FAM227B: variants seen among roughly 807,000 people sequenced by gnomAD.
FAM227B encodes the protein protein FAM227B.
FAM227B carries 88 observed loss-of-function variants against 73.8 expected under a neutral mutation model. The observed-to-expected ratio is 1.19, with a 90% CI of 1.00 to 1.42. The LOEUF is 1.42. FAM227B is among the 40% of genes most tolerant of loss of function. FAM227B has a pLI of 0.00. For synonymous variants in FAM227B, 210 were observed against 190.5 expected, an observed-to-expected ratio of 1.10 and a Z score of -0.84; for missense variants, 632 against 590.9, an observed-to-expected ratio of 1.07 and a Z score of -0.72.
chr15:49,416,799 A>AC (rs2049249410), intron 11 of FAM227B, among the ~76,000 whole-genome samples: 3 of 150,546 alleles, frequency 2.0e-5, no homozygotes, highest in Admixed American at 6.6e-5. Context: ...ACACACACAC[A>AC]AACACACAAA....
At chr15:49,350,810 G>A (rs1032643133) in intron 13 of FAM227B, among the ~76,000 whole-genome samples, 13 of 152,104 alleles carry the variant, frequency 8.5e-5, no homozygotes, top group African/African-American at 1.9e-4. Flanking sequence ...TAAGATATGC[G>A]AGCCAAAGAC....
chr15:49,547,532 C>T (rs2072110912), intron 9 of FAM227B, among the ~76,000 whole-genome samples: 2 of 152,034 alleles, frequency 1.3e-5, no homozygotes, highest in Non-Finnish European at 2.9e-5. Context: ...ATTCAGGAAA[C>T]CCATCTCAAG....
chr15:49,396,120 C>A, intron 11 of FAM227B: 3 of 394,530 alleles, frequency 7.6e-6, no homozygotes, highest in Non-Finnish European at 5.0e-6. Context: ...AGACAGTGGG[C>A]GCAGGTCAGT....
chr15:49,367,489 A>C lies in FAM227B; in HGVS notation c.1230T>G (p.Pro410=). 6.2e-7 allele frequency: 1 copy of C among 1,602,454 alleles called. No individual in the cohort carries two copies. Among genetic ancestry groups the C allele is most frequent in the Non-Finnish European group, 8.5e-7 (1 of 1,177,374 alleles). The change falls in exon 13 of 16, where the codon CCT becomes CCG. Residue 410 remains proline (P), a synonymous_variant. Transcript: ENST00000299338. ...TAGTGAGTTTAATCTTGGTTTTCTT[A>C]GGTGCTTTGGAAATACCAGCCAGCT... The part of the protein sequence containing the change: ...MHELAGISKA[P]KKTKIKLTKI...
chr15:49,415,521 G>GA (rs905644760), intron 11 of FAM227B, among the ~76,000 whole-genome samples: 22 of 150,150 alleles, frequency 1.5e-4, no homozygotes, highest in South Asian at 2.1e-4. Flanking sequence ...TGTACAAGTG[G>GA]AAAAAAAAAC....
rs143874622 is a variant in FAM227B, at chr15:49,378,790, A to C, written c.1013-7391T>G. Among the ~76,000 whole-genome samples, 863 of 152,180 alleles carry C rather than the reference A, an allele frequency of 5.7e-3. 7 individuals carry two copies. Among genetic ancestry groups the C allele is most frequent in the African/African-American group, 0.02 (817 of 41,526 alleles). On this transcript the variant is annotated intron_variant, in intron 11 of 15. Transcript: ENST00000299338. The stretch of plus-strand genomic sequence containing the variant: ...TTCCTTTCCAATTTGGATGCCCTTT[A>C]TTTCTTTCTCTTGTCTGATTGCTCT...
chr15:49,407,022 C>T (rs1173365753), intron 11 of FAM227B, among the ~76,000 whole-genome samples: 1 of 152,086 alleles, frequency 6.6e-6, no homozygotes, highest in African/African-American at 2.4e-5. Flanking sequence ...TGGACTGGCC[C>T]CGTCTGATGG....
chr15:49,359,196 A>G (rs2043736920), intron 13 of FAM227B, among the ~76,000 whole-genome samples: 1 of 148,056 alleles, frequency 6.8e-6, no homozygotes, highest in Admixed American at 6.7e-5. Flanking sequence ...TTCATGTCTA[A>G]AACACCAAAA....
Position 49,461,450 on chromosome 15 carries a change from C to T in FAM227B, c.1012+46761G>A, listed in dbSNP as rs76917872. Among the ~76,000 whole-genome samples, 814 of 152,288 alleles carry T rather than the reference C, an allele frequency of 5.3e-3. 10 individuals are homozygous for T. Among genetic ancestry groups the T allele is most frequent in the African/African-American group, 0.019 (782 of 41,560 alleles). On this transcript the variant is annotated intron_variant, in intron 11 of 15. Coordinates refer to ENST00000299338, the MANE Select transcript of FAM227B (RefSeq NM_152647.3). ...ATAAAAAGAGGAGTGGCTTATCTGA[C>T]ATCATGTCTATTTTTCAATGCAGAC...
intron 10 of FAM227B, among the ~76,000 whole-genome samples, chr15:49,517,609 G>A (rs2059463951): frequency 6.6e-6 from 1 of 152,102 alleles, no homozygotes; most frequent in African/African-American, 2.4e-5. Flanking sequence ...ACATATTAAT[G>A]ATTAAATAAA....
chr15:49,557,137 G>A (rs1219735460), intron 9 of FAM227B, among the ~76,000 whole-genome samples: 1 of 152,184 alleles, frequency 6.6e-6, no homozygotes, highest in East Asian at 1.9e-4. Context: ...TATGCTCAGA[G>A]TGCACAAGTC....
At chr15:49,371,475 G>T in intron 11 of FAM227B, 76 bp from the exon 12 acceptor site, 3 of 830,484 alleles carry the variant, frequency 3.6e-6, no homozygotes, top group Non-Finnish European at 5.8e-6. Context: ...TACCTCTTTC[G>T]CCTTTTAACA....
intron 2 of FAM227B, among the ~76,000 whole-genome samples, chr15:49,612,044 T>A (rs1176745500): frequency 6.6e-6 from 1 of 151,984 alleles, no homozygotes; most frequent in Non-Finnish European, 1.5e-5. Context: ...TTTTTTTTTT[T>A]TTTTAATTTG....
In FAM227B at chr15:49,329,798, G is replaced by A. The variant is rs2038254409; in HGVS notation, c.1420-1123C>T. 4 of 914,544 alleles carry A rather than the reference G, an allele frequency of 4.4e-6. No individual in the cohort carries two copies. The South Asian group carries it at 2.1e-4, about 47-fold the overall frequency. The allele number at this position is 914,544 out of a possible 1,614,324, so 56.7% of individuals were successfully genotyped here. ...GTATATAATTCTTTAAAGATACCTG[G>A]ATCAGTGTAAAAAAAAAAAAAAAAA... On this transcript the variant is annotated intron_variant, in intron 15 of 15. Transcript: ENST00000299338.
intron 11 of FAM227B, chr15:49,488,930 A>T (rs2056638744): frequency 6.6e-6 from 1 of 152,082 alleles, no homozygotes; most frequent in South Asian, 2.1e-4. Context: ...TCCACCTTAG[A>T]TCCTCACTGG....
At chr15:49,598,860 T>C (rs2077032063) in intron 3 of FAM227B, among the ~76,000 whole-genome samples, 1 of 152,094 alleles carries the variant, frequency 6.6e-6, no homozygotes, top group Non-Finnish European at 1.5e-5. Context: ...TTGTTTTTGT[T>C]GAGGATTTTG....
intron 11 of FAM227B, among the ~76,000 whole-genome samples, chr15:49,402,180 AT>A (rs1438166944): frequency 2.0e-5 from 3 of 152,116 alleles, no homozygotes; most frequent in African/African-American, 7.2e-5. Flanking sequence ...TTGGTGTACA[AT>A]AAAATACTGC....
chr15:49,555,580 G>GA (rs2073572953), intron 9 of FAM227B, among the ~76,000 whole-genome samples: 1 of 152,180 alleles, frequency 6.6e-6, no homozygotes, highest in African/African-American at 2.4e-5. Flanking sequence ...TCCTGAATTT[G>GA]AATGTTGGCC....
chr15:49,508,065 G>T, intron 11 of FAM227B, 146 bp downstream of exon 11: 2 of 765,078 alleles, frequency 2.6e-6, no homozygotes, highest in Non-Finnish European at 2.0e-6. Flanking sequence ...ACTTAAGTGT[G>T]TACCACTATA....
Sources: gnomAD v4.1 joint callset for allele counts (sites outside exome capture counted in the v4.1 genomes callset) on GRCh38, gnomAD v4.1.1 for gene constraint, MANE v1.5 for transcripts, NCBI Gene and HGNC (gene_info 2026-07-23, HGNC 2026-07-21) for gene names.